BFAR: variants seen among roughly 807,000 people sequenced by gnomAD.
The protein encoded by BFAR is RING finger protein 47.
Under a neutral mutation model 54.4 loss-of-function variants are expected in BFAR, and 52 were observed. The ratio of observed to expected loss-of-function variants is 0.96; its 90% CI spans 0.77 to 1.21. BFAR has a LOEUF of 1.21. Ranked by LOEUF, BFAR falls within the 50% of genes most tolerant of loss-of-function variation. The pLI is 0.00. For synonymous variants in BFAR, 215 were observed against 204.3 expected (o/e 1.05, Z -0.45); for missense variants, 571 against 534.0 (o/e 1.07, Z -0.68).
At chr16:14,653,513 A>G (rs1960034076) in intron 4 of BFAR, among the ~76,000 whole-genome samples, 1 of 151,746 alleles carries the variant, frequency 6.6e-6, no homozygotes. Flanking sequence ...TTTAGTAGAG[A>G]CGAGGTTTCA....
Position 14,654,963 on chromosome 16 carries a change from C to T in BFAR, c.639-103C>T. ...GTTAAATGTGAAATGTCTCACCATACCTCAAGCCTACAATATTTATATTAG... is the reference window on the plus strand; with the variant it reads ...GTTAAATGTGAAATGTCTCACCATATCTCAAGCCTACAATATTTATATTAG... On this transcript the variant is annotated intron_variant, in intron 4 of 7. Transcript: ENST00000261658. 5 of 1,237,724 alleles carry T rather than the reference C, an allele frequency of 4.0e-6. No homozygotes were observed. In the South Asian group the frequency reaches 6.2e-5, roughly 15 times the overall value. The allele number at this position is 1,237,724 out of a possible 1,614,324, so 76.7% of individuals were successfully genotyped here. A position where few individuals can be genotyped will look rare whatever the true frequency, so the allele number is the denominator to read the frequency against.
At chr16:14,647,988 T>C (rs1297563427) in intron 2 of BFAR, among the ~76,000 whole-genome samples, 2 of 152,138 alleles carry the variant, frequency 1.3e-5, no homozygotes, top group East Asian at 3.9e-4. Flanking sequence ...GCCTCTAATC[T>C]TAGCACTTTG....
Position 14,665,046 on chromosome 16 carries a change from A to G in BFAR, c.1135A>G (p.Arg379Gly). The stretch of plus-strand genomic sequence containing the variant: ...AGTTCTGGAATTATTCTCCTTTTGG[A>G]GAATCTGGTCGAGAAGTGAACTGAA... ...LSVLELFSFW[R>G]IWSRSELKTV... The change falls in exon 7 of 8, where the codon AGA becomes GGA. Residue 379 changes from arginine to glycine, a missense_variant. Coordinates refer to ENST00000261658, the MANE Select transcript of BFAR (RefSeq NM_016561.3). 1 of 1,613,908 alleles carries G rather than the reference A, an allele frequency of 6.2e-7. No individual in the cohort carries two copies. The highest frequency in any genetic ancestry group is 1.1e-5 in the South Asian group (1 of 91,078).
At position 14,655,187 on chromosome 16, in the gene BFAR, C is replaced by T. The variant is rs753679165; in HGVS notation, c.760C>T (p.Pro254Ser). The T allele has an allele frequency of 9.7e-6, 15 of 1,541,836 alleles. No homozygotes were observed. In the South Asian group the frequency reaches 1.7e-4, roughly 17 times the overall value. The change falls in exon 5 of 8, where the codon CCC becomes TCC. Residue 254 changes from proline to serine, a missense_variant. Pro to Ser is a moderately conservative substitution (Grantham distance 74, BLOSUM62 -1). Transcript: ENST00000261658. ...TGTCAAAGCATTAGGCGTGAAGCCC[C>T]CCCAGAATCTCTGGGAATATAAGGT... The part of the protein sequence containing the change: ...ERVKALGVKP[P>S]QNLWEYKAVN...
chr16:14,647,129 G>A (rs1256651435), intron 2 of BFAR, among the ~76,000 whole-genome samples: 1 of 151,552 alleles, frequency 6.6e-6, no homozygotes, highest in African/African-American at 2.4e-5. Context: ...CTGTTGCCCA[G>A]GCTGGAGTGC....
chr16:14,664,770 G>T, intron 6 of BFAR, 99 bp from the exon 7 acceptor site: 1 of 1,163,632 alleles, frequency 8.6e-7, no homozygotes, highest in Admixed American at 1.8e-5. Context: ...AAAGTGGTGG[G>T]ATTACAGGTG....
At chr16:14,648,105 T>G (rs2151838763) in intron 2 of BFAR, among the ~76,000 whole-genome samples, 1 of 151,750 alleles carries the variant, frequency 6.6e-6, no homozygotes, top group East Asian at 2.0e-4. Flanking sequence ...GTTATCCGGG[T>G]ATGGTGGTGT....
chr16:14,633,693 C>T (rs1959337918), intron 1 of BFAR, among the ~76,000 whole-genome samples: 1 of 152,164 alleles, frequency 6.6e-6, no homozygotes. Flanking sequence ...TGCCCTGCCG[C>T]CCAGGCTGGA....
At chr16:14,654,983 T>C (rs1960080650) in intron 4 of BFAR, 83 bp from the exon 5 acceptor site, 3 of 1,327,470 alleles carry the variant, frequency 2.3e-6, no homozygotes, top group Non-Finnish European at 3.0e-6. Flanking sequence ...ACAATATTTA[T>C]ATTAGTAAGA....
At chr16:14,663,966 G>A (rs1250074454) in intron 6 of BFAR, among the ~76,000 whole-genome samples, 1 of 151,928 alleles carries the variant, frequency 6.6e-6, no homozygotes, top group African/African-American at 2.4e-5. Flanking sequence ...TTACGGCCGG[G>A]TGCGGTGGTT....
At chr16:14,655,241 T>A in intron 5 of BFAR, 31 bp downstream of exon 5, 1 of 1,196,040 alleles carries the variant, frequency 8.4e-7, no homozygotes, top group East Asian at 3.0e-5. Context: ...TTTTTTTTTT[T>A]ACTTTTTATT....
At position 14,667,691 on chromosome 16, in the gene BFAR, T is replaced by C. The variant is rs1960481201; in HGVS notation, c.1217T>C (p.Phe406Ser). ...HFWKVSTQGL[F>S]VAMFWPLIPQ... ...TGGAAAGTATCAACGCAGGGGCTTTTTGTGGCCATGTTCTGGCCCCTCATC... is the reference window on the plus strand; with the variant it reads ...TGGAAAGTATCAACGCAGGGGCTTTCTGTGGCCATGTTCTGGCCCCTCATC... The change falls in exon 8 of 8, where the codon TTT (phenylalanine) becomes TCT (serine). Residue 406 changes from phenylalanine (F) to serine (S), a missense_variant. Coordinates refer to ENST00000261658, the MANE Select transcript of BFAR (RefSeq NM_016561.3). 6.2e-7 allele frequency: 1 copy of C among 1,614,234 alleles called. No homozygotes were observed. The highest frequency in any genetic ancestry group is 8.5e-7 in the Non-Finnish European group (1 of 1,180,028).
intron 6 of BFAR, among the ~76,000 whole-genome samples, chr16:14,663,220 C>G (rs1960341550): frequency 6.6e-6 from 1 of 152,196 alleles, no homozygotes; most frequent in African/African-American, 2.4e-5. Context: ...GGTCTCCTCC[C>G]TTACTCCCAC....
Position 14,662,004 on chromosome 16 carries a change from T to A in BFAR, c.896T>A (p.Ile299Asn). Reference protein sequence around the residue: ...FDYTDTFLPFIHTICPLQEDS... With the variant: ...FDYTDTFLPFNHTICPLQEDS... ...TACACCGACACCTTCCTACCTTTCATCCACACCATCTGCCCTCTGCAAGAA... is the reference window on the plus strand; with the variant it reads ...TACACCGACACCTTCCTACCTTTCAACCACACCATCTGCCCTCTGCAAGAA... The change falls in exon 6 of 8, where the codon ATC becomes AAC. Residue 299 changes from isoleucine (I) to asparagine (N), a missense_variant. Physicochemically the swap from Ile to Asn is moderately radical, Grantham distance 149. Coordinates refer to ENST00000261658, the MANE Select transcript of BFAR (RefSeq NM_016561.3). 1.2e-6 allele frequency: 2 copies of A among 1,614,156 alleles called. No homozygotes were observed. Among genetic ancestry groups the A allele is most frequent in the Non-Finnish European group, 1.7e-6 (2 of 1,180,034 alleles).
chr16:14,636,869 GTAT>G (rs1781562041), intron 1 of BFAR, among the ~76,000 whole-genome samples: 1 of 152,220 alleles, frequency 6.6e-6, no homozygotes, highest in South Asian at 2.1e-4. Flanking sequence ...CTCTTAAGGA[GTAT>G]GCTGCCTTCA....
intron 4 of BFAR, among the ~76,000 whole-genome samples, chr16:14,652,361 A>C (rs1959995463): frequency 6.6e-6 from 1 of 151,180 alleles, no homozygotes; most frequent in African/African-American, 2.4e-5. Flanking sequence ...GCTCACTGCA[A>C]CCTCCACCTC....
intron 4 of BFAR, among the ~76,000 whole-genome samples, chr16:14,651,873 A>G (rs1010061196): frequency 1.4e-5 from 2 of 145,628 alleles, no homozygotes; most frequent in Admixed American, 7.2e-5. Flanking sequence ...GAGGCCTGAC[A>G]TGCCCAATTT....
chr16:14,652,576 TG>T (rs1960002953), intron 4 of BFAR, among the ~76,000 whole-genome samples: 1 of 152,112 alleles, frequency 6.6e-6, no homozygotes, highest in African/African-American at 2.4e-5. Flanking sequence ...CCACCACACC[TG>T]GCAAATATAT....
intron 1 of BFAR, among the ~76,000 whole-genome samples, chr16:14,640,362 T>C (rs1265442519): frequency 6.6e-6 from 1 of 152,080 alleles, no homozygotes; most frequent in East Asian, 1.9e-4. Flanking sequence ...GAGAGGAGTG[T>C]AGCAAGCTGA....
Sources: allele counts gnomAD v4.1 joint callset (sites outside exome capture counted in the v4.1 genomes callset), GRCh38; gene constraint gnomAD v4.1.1; transcripts MANE v1.5; gene names NCBI Gene and HGNC (gene_info 2026-07-23, HGNC 2026-07-21).